Variants in MYO15B observed in about 807,000 individuals in gnomAD.
MYO15B encodes the protein myosin XVB pseudogene.
In MYO15B, 207 loss-of-function variants were observed where a neutral mutation model predicts 119.3. The ratio of observed to expected loss-of-function variants is 1.73; its 90% CI spans 1.55 to 1.95. MYO15B has a LOEUF of 1.95. Ranked by LOEUF, MYO15B falls within the 30% of genes most tolerant of loss-of-function variation. The probability of loss-of-function intolerance (pLI) is 0.00; values close to 1 mark genes in which losing one functional copy is unlikely to be tolerated. For synonymous variants in MYO15B, 966 were observed against 498.9 expected, an observed-to-expected ratio of 1.94 and a Z score of -12.48; for missense variants, 2,264 against 1,203.1, an observed-to-expected ratio of 1.88 and a Z score of -13.04.
intron 14 of MYO15B, 134 bp downstream of exon 14, chr17:75,597,033 A>C: frequency 1.7e-6 from 1 of 589,972 alleles, no homozygotes; most frequent in South Asian, 2.1e-5. Flanking sequence ...ACAGTTCCTC[A>C]GCACAGCCTG....
intron 63 of MYO15B, 59 bp downstream of exon 63, chr17:75,626,287 A>G: frequency 1.4e-6 from 1 of 699,338 alleles, no homozygotes; most frequent in South Asian, 1.5e-5. Context: ...TTGCCCCAGC[A>G]TGGCGTGCAG....
At chr17:75,596,409 T>TG (rs2056860448) in intron 12 of MYO15B, 51 bp from the exon 13 acceptor site, 1 of 682,960 alleles carries the variant, frequency 1.5e-6, no homozygotes, top group Admixed American at 2.1e-5. Context: ...GCCTCTGGGG[T>TG]GGGGGGAGGG....
chr17:75,595,859 G>C (rs980067714), intron 12 of MYO15B, among the ~76,000 whole-genome samples: 13 of 152,354 alleles, frequency 8.5e-5, no homozygotes, highest in African/African-American at 3.1e-4. Context: ...CAGCCAGGAG[G>C]GGGCTGGAGG....
intron 15 of MYO15B, 105 bp from the exon 16 acceptor site, chr17:75,602,412 C>T (rs1285887658): frequency 1.4e-6 from 1 of 701,912 alleles, no homozygotes; most frequent in African/African-American, 1.7e-5. Flanking sequence ...TTCAGGTCAC[C>T]TGGGGAGAGG....
intron 53 of MYO15B, 52 bp downstream of exon 53, chr17:75,622,132 GCC>G: frequency 1.4e-6 from 1 of 696,658 alleles, no homozygotes; most frequent in South Asian, 1.5e-5. Context: ...TCCTGTCTGG[GCC>G]TGAAGGAGAT....
At chr17:75,611,465 C>A (rs2058023335) in intron 23 of MYO15B, 136 bp from the exon 24 acceptor site, 1 of 590,702 alleles carries the variant, frequency 1.7e-6, no homozygotes, top group African/African-American at 2.4e-5. Flanking sequence ...TGAGACCCTG[C>A]CTCAAAAAAA....
At chr17:75,609,124 C>G (rs1475572145) in intron 21 of MYO15B, among the ~76,000 whole-genome samples, 2 of 151,824 alleles carry the variant, frequency 1.3e-5, no homozygotes, top group Admixed American at 6.6e-5. Context: ...CTTGAGCCTC[C>G]CAAGGTACAG....
exon 39 of MYO15B, chr17:75,616,564 G>C: frequency 2.8e-6 from 2 of 703,098 alleles, no homozygotes; most frequent in Non-Finnish European, 5.2e-6. Flanking sequence ...AGAAGCCATT[G>C]AAGCAAGGTG....
intron 14 of MYO15B, among the ~76,000 whole-genome samples, chr17:75,598,956 C>T (rs2057063664): frequency 1.3e-5 from 2 of 152,172 alleles, no homozygotes; most frequent in Non-Finnish European, 1.5e-5. Context: ...TTACCCCAAA[C>T]CCAAGTTCTC....
At chr17:75,624,908 T>C in exon 59 of MYO15B, 1 of 702,770 alleles carries the variant, frequency 1.4e-6, no homozygotes. Context: ...CAGCACCCAC[T>C]ACAGCCAGGT....
Position 75,612,795 on chromosome 17 carries a change from C to A in MYO15B, c.4636-3C>A, listed in dbSNP as rs2058110176. Reference sequence around the variant, plus strand: ...ATGGACTGAGCCCTCTCCTTCCTTGCAGGAACCGTCCCTGCCCAGGCCAGG... The same window carrying A: ...ATGGACTGAGCCCTCTCCTTCCTTGAAGGAACCGTCCCTGCCCAGGCCAGG... On this transcript the variant is annotated splice_region_variant and splice_polypyrimidine_tract_variant and intron_variant, in intron 25 of 63. Transcript: ENST00000645453. 1 of 702,906 alleles carries A rather than the reference C, an allele frequency of 1.4e-6. No individual in the cohort carries two copies. Among genetic ancestry groups the A allele is most frequent in the Admixed American group, 2.0e-5 (1 of 50,008 alleles). The allele number at this position is 702,906 out of a possible 1,614,324, so 43.5% of individuals were successfully genotyped here. A position where few individuals can be genotyped will look rare whatever the true frequency, so the allele number is the denominator to read the frequency against.
chr17:75,625,533 C>T (rs2058992242), exon 61 of MYO15B: 1 of 702,994 alleles, frequency 1.4e-6, no homozygotes, highest in African/African-American at 1.7e-5. Flanking sequence ...CTAGGCAGGA[C>T]CTGCTAGCTT....
At chr17:75,613,272 C>T in intron 27 of MYO15B, 21 bp from the exon 28 acceptor site, 1 of 668,722 alleles carries the variant, frequency 1.5e-6, no homozygotes, top group East Asian at 2.7e-5. Flanking sequence ...GCCTCCACTG[C>T]AGCCTGTGCC....
At chr17:75,621,754 T>C (rs2058725321) in intron 52 of MYO15B, 184 bp downstream of exon 52, 1 of 602,204 alleles carries the variant, frequency 1.7e-6, no homozygotes, top group Non-Finnish European at 3.0e-6. Flanking sequence ...GGTTGTGGGT[T>C]GTGTGGAGTC....
chr17:75,591,495 C>T (rs2056447158), intron 4 of MYO15B, 106 bp from the exon 5 acceptor site: 1 of 679,610 alleles, frequency 1.5e-6, no homozygotes, highest in Non-Finnish European at 2.7e-6. Context: ...ATGGGGGTCT[C>T]TCCAGGCTAG....
intron 28 of MYO15B, 91 bp from the exon 29 acceptor site, chr17:75,613,614 T>G (rs1383558998): frequency 1.5e-6 from 1 of 660,328 alleles, no homozygotes; most frequent in East Asian, 2.7e-5. Context: ...TCTGTCCTGC[T>G]TTTGAAACTC....
At chr17:75,591,329 G>A (rs2056433918) in intron 4 of MYO15B, 83 bp downstream of exon 4, 1 of 677,324 alleles carries the variant, frequency 1.5e-6, no homozygotes, top group South Asian at 1.6e-5. Flanking sequence ...TTCACTGGAA[G>A]CCACTGGTAT....
intron 22 of MYO15B, chr17:75,610,693 C>A: frequency 1.7e-6 from 1 of 577,600 alleles, no homozygotes; most frequent in East Asian, 2.8e-5. Flanking sequence ...TTCCCGGTGC[C>A]CTGGCAGATG....
In MYO15B at chr17:75,612,241, C is replaced by T. The variant is rs58499624; in HGVS notation, c.4635+225C>T. Among the ~76,000 whole-genome samples the T allele has an allele frequency of 6.6e-3, 1,006 of 152,230 alleles. 13 individuals carry two copies. The highest frequency in any genetic ancestry group is 0.023 in the African/African-American group (943 of 41,522). ...ACAGTTGGTGTTATTGAATGGGAGA[C>T]GTTATTTAGATCCACGATGCCACAC... On this transcript the variant is annotated intron_variant, in intron 25 of 63. Coordinates refer to ENST00000645453, the Ensembl canonical transcript of MYO15B.
Sources: gnomAD v4.1 joint callset for allele counts (sites outside exome capture counted in the v4.1 genomes callset) on GRCh38, gnomAD v4.1.1 for gene constraint, MANE v1.5 for transcripts, NCBI Gene and HGNC (gene_info 2026-07-23, HGNC 2026-07-21) for gene names.